Variants in TENT5C observed in about 807,000 individuals in gnomAD.
The protein encoded by TENT5C is family with sequence similarity 46 member C.
TENT5C carries 5 observed loss-of-function variants against 22.2 expected under a neutral mutation model. The ratio of observed to expected loss-of-function variants is 0.22; its 90% CI spans 0.12 to 0.47. The LOEUF (loss-of-function observed/expected upper bound fraction) is 0.47. TENT5C is among the 20% of genes least tolerant of loss of function. The pLI is 0.99. For missense variants in TENT5C, 364 were observed against 500.9 expected, an observed-to-expected ratio of 0.73 and a Z score of 2.61; for synonymous variants, 199 against 195.4, an observed-to-expected ratio of 1.02 and a Z score of -0.15.
intron 1 of TENT5C, among the ~76,000 whole-genome samples, chr1:117,618,329 A>G (rs2101077169): frequency 6.6e-6 from 1 of 152,352 alleles, no homozygotes; most frequent in Non-Finnish European, 1.5e-5. Context: ...ACTGAAAAAA[A>G]AAATTTCTTT....
chr1:117,611,697 AT>A (rs1212667540), intron 1 of TENT5C, among the ~76,000 whole-genome samples: 1 of 152,056 alleles, frequency 6.6e-6, no homozygotes, highest in East Asian at 1.9e-4. Context: ...TTTTTAAAAA[AT>A]TAGCTGGGTG....
chr1:117,620,980 CTAAG>C (rs1653881569), intron 1 of TENT5C, among the ~76,000 whole-genome samples: 1 of 152,174 alleles, frequency 6.6e-6, no homozygotes, highest in Non-Finnish European at 1.5e-5. Context: ...CAAAGAACTG[CTAAG>C]TGTTTAAAGG....
chr1:117,623,609 C>T lies in TENT5C; in HGVS notation c.741C>T (p.Tyr247=), dbSNP rs781072398. 7 of 1,613,738 alleles carry T rather than the reference C, an allele frequency of 4.3e-6. No homozygotes were observed. The highest frequency in any genetic ancestry group is 1.7e-5 in the Admixed American group (1 of 59,980). Residue 247 remains tyrosine (Y), a synonymous_variant, in exon 2 of 2, where the codon TAC becomes TAT. Transcript: ENST00000369448. ...EEIRGGGLLK[Y]SNLLVRDFRP... ...TCAGAGGCGGGGGACTTCTCAAGTACAGCAACCTTCTTGTGCGGGACTTCA... is the reference window on the plus strand; with the variant it reads ...TCAGAGGCGGGGGACTTCTCAAGTATAGCAACCTTCTTGTGCGGGACTTCA...
intron 1 of TENT5C, among the ~76,000 whole-genome samples, chr1:117,610,897 C>T (rs1162913516): frequency 6.6e-6 from 1 of 152,170 alleles, no homozygotes; most frequent in Non-Finnish European, 1.5e-5. Context: ...ATTGAATAAG[C>T]ACAAAGTCCC....
At position 117,614,912 on chromosome 1, in the gene TENT5C, C is replaced by T. The variant is rs112599772; in HGVS notation, c.-27-7930C>T. Among the ~76,000 whole-genome samples, 230 of 152,302 alleles carry T rather than the reference C, an allele frequency of 1.5e-3. 1 individual carries two copies. The highest frequency in any genetic ancestry group is 5.1e-3 in the African/African-American group (210 of 41,576). On this transcript the variant is annotated intron_variant, in intron 1 of 1. Coordinates refer to ENST00000369448, the MANE Select transcript of TENT5C (RefSeq NM_017709.4). ...CTCTAAAATCACCACTGTTCTGCAACGTAGCAAGCATCTTGGAGCTCCCTG... is the reference window on the plus strand; with the variant it reads ...CTCTAAAATCACCACTGTTCTGCAATGTAGCAAGCATCTTGGAGCTCCCTG...
chr1:117,623,705 G>A lies in TENT5C; in HGVS notation c.837G>A (p.Pro279=), dbSNP rs752816600. The A allele has an allele frequency of 8.1e-6, 13 of 1,613,930 alleles. No homozygotes were observed. Among genetic ancestry groups the A allele is most frequent in the East Asian group, 4.5e-5 (2 of 44,890 alleles). The part of the protein sequence containing the change: ...YMCSRFFIDF[P]DILEQQRKLE... ...GCTCCAGGTTCTTCATCGACTTCCC[G>A]GACATCCTTGAACAGCAGAGGAAGT... The change falls in exon 2 of 2, where the codon CCG becomes CCA. Residue 279 remains proline, a synonymous_variant. Coordinates refer to ENST00000369448, the MANE Select transcript of TENT5C (RefSeq NM_017709.4).
At chr1:117,621,176 G>T (rs766829609) in intron 1 of TENT5C, among the ~76,000 whole-genome samples, 1 of 152,056 alleles carries the variant, frequency 6.6e-6, no homozygotes, top group Non-Finnish European at 1.5e-5. Flanking sequence ...TCCCCTCCAC[G>T]AGTACTCTGT....
chr1:117,609,013 G>A (rs962751277), intron 1 of TENT5C, among the ~76,000 whole-genome samples: 1 of 152,198 alleles, frequency 6.6e-6, no homozygotes, highest in African/African-American at 2.4e-5. Context: ...GGTAAACAAG[G>A]CACTGTAGGA....
Position 117,623,104 on chromosome 1 carries a change from T to G in TENT5C, c.236T>G (p.Val79Gly). The change falls in exon 2 of 2, where the codon GTT (valine) becomes GGT (glycine). Residue 79 changes from valine (V) to glycine (G), a missense_variant. By Grantham distance (109) the Val-to-Gly change is moderately radical. Transcript: ENST00000369448. ...CTGAATGGCTCCGCAGCTGGCCACGTTTTGGTCAAAGACAATGGCTTGGGC... is the reference window on the plus strand; with the variant it reads ...CTGAATGGCTCCGCAGCTGGCCACGGTTTGGTCAAAGACAATGGCTTGGGC... ...VRLNGSAAGHVLVKDNGLGCK... is the reference protein window; with the variant it reads ...VRLNGSAAGHGLVKDNGLGCK... 6.2e-7 allele frequency: 1 copy of G among 1,614,168 alleles called. No individual in the cohort carries two copies. Among genetic ancestry groups the G allele is most frequent in the Non-Finnish European group, 8.5e-7 (1 of 1,180,014 alleles).
In TENT5C at chr1:117,623,126, G is replaced by A. The variant is rs767046262; in HGVS notation, c.258G>A (p.Leu86=). ...ACGTTTTGGTCAAAGACAATGGCTTGGGCTGCAAAGACCTGGACCTAATCT... is the reference window on the plus strand; with the variant it reads ...ACGTTTTGGTCAAAGACAATGGCTTAGGCTGCAAAGACCTGGACCTAATCT... ...AGHVLVKDNG[L]GCKDLDLIFH... is the part of the protein sequence containing the mutation. The change falls in exon 2 of 2, where the codon TTG becomes TTA. Residue 86 remains leucine, a synonymous_variant. Coordinates refer to ENST00000369448, the MANE Select transcript of TENT5C (RefSeq NM_017709.4). 6 of 1,614,060 alleles carry A rather than the reference G, an allele frequency of 3.7e-6. No individual in the cohort carries two copies. Among genetic ancestry groups the A allele is most frequent in the Non-Finnish European group, 5.1e-6 (6 of 1,180,044 alleles).
At chr1:117,619,808 A>G (rs1653857271) in intron 1 of TENT5C, among the ~76,000 whole-genome samples, 1 of 152,188 alleles carries the variant, frequency 6.6e-6, no homozygotes, top group Non-Finnish European at 1.5e-5. Flanking sequence ...CTTTAATTAT[A>G]TACTAAATCC....
At chr1:117,613,840 G>C (rs921316948) in intron 1 of TENT5C, among the ~76,000 whole-genome samples, 3 of 152,194 alleles carry the variant, frequency 2.0e-5, no homozygotes, top group African/African-American at 7.2e-5. Flanking sequence ...ACTTAGAAAT[G>C]TTTTCTCTGG....
intron 1 of TENT5C, among the ~76,000 whole-genome samples, chr1:117,615,693 A>G (rs1775829): frequency 0.99 from 151,362 of 152,360 alleles, 75,187 homozygotes; most frequent in East Asian, 1. Flanking sequence ...GTTATGAAAC[A>G]ATGTGCTCCC....
At chr1:117,622,746 C>T in intron 1 of TENT5C, 96 bp from the exon 2 acceptor site, 2 of 797,386 alleles carry the variant, frequency 2.5e-6, no homozygotes, top group Non-Finnish European at 4.0e-6. Flanking sequence ...CACCATTTTA[C>T]AGGAAGATGT....
intron 1 of TENT5C, among the ~76,000 whole-genome samples, chr1:117,612,182 T>G (rs1014561179): frequency 6.6e-6 from 1 of 152,190 alleles, no homozygotes; most frequent in Non-Finnish European, 1.5e-5. Flanking sequence ...TTCTTCCCAG[T>G]GCATCACAAG....
In TENT5C at chr1:117,628,170, A is replaced by C. The variant is rs1047146890; in HGVS notation, c.*4126A>C. ...TATAGATGAAAAATAGATACCAATTAGACTAAATTGAAAGCTTTTTGTTCT... is the reference window on the plus strand; with the variant it reads ...TATAGATGAAAAATAGATACCAATTCGACTAAATTGAAAGCTTTTTGTTCT... On this transcript the variant is annotated 3_prime_UTR_variant, in exon 2 of 2. Coordinates refer to ENST00000369448, the MANE Select transcript of TENT5C (RefSeq NM_017709.4). The C allele has an allele frequency of 4.0e-6, 1 of 247,722 alleles. No individual in the cohort carries two copies. The highest frequency in any genetic ancestry group is 1.8e-4 in the South Asian group (1 of 5,532). The allele number at this position is 247,722 out of a possible 1,614,324, so 15.3% of individuals were successfully genotyped here.
At chr1:117,612,722 C>T (rs1416709268) in intron 1 of TENT5C, among the ~76,000 whole-genome samples, 1 of 152,208 alleles carries the variant, frequency 6.6e-6, no homozygotes, top group Non-Finnish European at 1.5e-5. Flanking sequence ...TGGAGGTCAG[C>T]TCACACTTAG....
chr1:117,608,008 G>A (rs1237466587), intron 1 of TENT5C, among the ~76,000 whole-genome samples: 1 of 151,466 alleles, frequency 6.6e-6, no homozygotes, highest in Non-Finnish European at 1.5e-5. Flanking sequence ...GAGTTTTTAG[G>A]AAGATTTTGG....
intron 1 of TENT5C, among the ~76,000 whole-genome samples, chr1:117,609,506 G>A (rs1204707050): frequency 6.6e-6 from 1 of 152,002 alleles, no homozygotes; most frequent in African/African-American, 2.4e-5. Flanking sequence ...TGCATGGAGT[G>A]TTGTTTATTT....
Sources: allele counts gnomAD v4.1 joint callset (sites outside exome capture counted in the v4.1 genomes callset), GRCh38; gene constraint gnomAD v4.1.1; transcripts MANE v1.5; gene names NCBI Gene and HGNC (gene_info 2026-07-23, HGNC 2026-07-21).